DPP10: variants seen among roughly 807,000 people sequenced by gnomAD.
DPP10 encodes dipeptidyl peptidase like 10.
A neutral mutation model predicts 120.9 loss-of-function variants in DPP10; 33 were observed. The ratio of observed to expected loss-of-function variants is 0.27; its 90% CI spans 0.21 to 0.37. The LOEUF (loss-of-function observed/expected upper bound fraction) is 0.37, where lower values mean the gene tolerates loss of function less well. Ranked by LOEUF, DPP10 falls within the 10% of genes least tolerant of loss-of-function variation. DPP10 has a pLI of 1.00. For synonymous variants in DPP10, 337 were observed against 326.1 expected, an observed-to-expected ratio of 1.03 and a Z score of -0.36; for missense variants, 816 against 942.8, an observed-to-expected ratio of 0.87 and a Z score of 1.76.
intron 3 of DPP10, among the ~76,000 whole-genome samples, chr2:115,465,777 G>A (rs556469603): frequency 1.1e-4 from 17 of 152,224 alleles, no homozygotes; most frequent in Non-Finnish European, 2.1e-4. Context: ...AGCCAAGATC[G>A]TGCCACTGCA....
At chr2:115,316,265 A>G (rs2061787695) in intron 2 of DPP10, among the ~76,000 whole-genome samples, 1 of 152,246 alleles carries the variant, frequency 6.6e-6, no homozygotes, top group Admixed American at 6.5e-5. Flanking sequence ...ACTAGAAGGC[A>G]GAGATGCTCG....
At chr2:115,010,465 G>C (rs545597974) in intron 1 of DPP10, among the ~76,000 whole-genome samples, 38 of 152,144 alleles carry the variant, frequency 2.5e-4, no homozygotes, top group African/African-American at 8.7e-4. Flanking sequence ...CCAGGTGTCA[G>C]TCACAAAATA....
intron 1 of DPP10, among the ~76,000 whole-genome samples, chr2:115,229,687 CTCCTATTCTATTCTA>C (rs1301611017): frequency 2.2e-5 from 3 of 134,276 alleles, no homozygotes; most frequent in Non-Finnish European, 3.2e-5. Flanking sequence ...TTTCTGAGTT[CTCCTATTCTATTCTA>C]TTCTATTCTA....
intron 1 of DPP10, among the ~76,000 whole-genome samples, chr2:115,079,614 G>A (rs1185837128): frequency 6.6e-6 from 1 of 152,118 alleles, no homozygotes; most frequent in Non-Finnish European, 1.5e-5. Context: ...TGGGGCTGGA[G>A]AAGCAGCCCA....
intron 1 of DPP10, among the ~76,000 whole-genome samples, chr2:114,795,327 TA>T (rs5833560): frequency 0.51 from 75,375 of 147,470 alleles, 19,820 homozygotes; most frequent in East Asian, 0.77. Flanking sequence ...TACTAAAAAT[TA>T]AAAAAAAAAA....
At chr2:115,643,411 G>A (rs2086951931) in intron 5 of DPP10, among the ~76,000 whole-genome samples, 1 of 152,134 alleles carries the variant, frequency 6.6e-6, no homozygotes, top group Non-Finnish European at 1.5e-5. Flanking sequence ...AAAAATTGTA[G>A]AGAGGCAGTA....
At chr2:115,753,588 A>G (rs947411215) in intron 11 of DPP10, among the ~76,000 whole-genome samples, 3 of 152,276 alleles carry the variant, frequency 2.0e-5, no homozygotes, top group Middle Eastern at 3.4e-3. Context: ...TTTCTCAGAT[A>G]TGGAATTTTT....
At chr2:115,656,937 A>G (rs963224252) in intron 5 of DPP10, among the ~76,000 whole-genome samples, 36 of 151,658 alleles carry the variant, frequency 2.4e-4, no homozygotes, top group Admixed American at 4.6e-4. Context: ...ATTATTTTTC[A>G]ATGGGTATAA....
chr2:115,371,095 T>G (rs921924376), intron 3 of DPP10, among the ~76,000 whole-genome samples: 4 of 152,164 alleles, frequency 2.6e-5, no homozygotes, highest in Non-Finnish European at 4.4e-5. Context: ...TTTTAATGCA[T>G]TTTTGGGGAT....
chr2:114,518,685 C>T (rs1420303169), intron 1 of DPP10, among the ~76,000 whole-genome samples: 2 of 152,204 alleles, frequency 1.3e-5, no homozygotes, highest in Non-Finnish European at 2.9e-5. Context: ...ATCCCAGGCC[C>T]TCGCAGATCC....
intron 1 of DPP10, among the ~76,000 whole-genome samples, chr2:114,647,915 G>A (rs753309336): frequency 5.3e-5 from 8 of 151,862 alleles, no homozygotes; most frequent in Non-Finnish European, 1.0e-4. Flanking sequence ...CCTGTTCCTG[G>A]TGTTGAGGTG....
intron 1 of DPP10, among the ~76,000 whole-genome samples, chr2:114,745,123 A>G (rs1016152736): frequency 6.6e-6 from 1 of 152,238 alleles, no homozygotes; most frequent in Non-Finnish European, 1.5e-5. Context: ...CTGATCAAGA[A>G]TATCTTGATA....
intron 7 of DPP10, among the ~76,000 whole-genome samples, chr2:115,715,082 G>A (rs149419226): frequency 0.078 from 11,589 of 148,898 alleles, 648 homozygotes; most frequent in Non-Finnish European, 0.11. Context: ...GCTCATGCCT[G>A]TCATCCCAGC....
chr2:115,684,475 G>A (rs926026481), intron 5 of DPP10, among the ~76,000 whole-genome samples: 39 of 151,822 alleles, frequency 2.6e-4, no homozygotes, highest in East Asian at 1.9e-4. Context: ...TCCTCTTACC[G>A]GCATTTTTTA....
intron 2 of DPP10, among the ~76,000 whole-genome samples, chr2:115,343,514 C>T (rs1180436031): frequency 6.6e-6 from 1 of 152,042 alleles, no homozygotes; most frequent in Non-Finnish European, 1.5e-5. Context: ...AGAAAATCTG[C>T]CTTTTTGGGC....
At chr2:114,473,115 C>A (rs1043173486) in intron 1 of DPP10, among the ~76,000 whole-genome samples, 2 of 152,142 alleles carry the variant, frequency 1.3e-5, no homozygotes, top group African/African-American at 4.8e-5. Context: ...TCTCCTTTGG[C>A]CTTATTCAAC....
chr2:115,567,619 A>G (rs1427262864), intron 5 of DPP10, among the ~76,000 whole-genome samples: 1 of 151,914 alleles, frequency 6.6e-6, no homozygotes, highest in Non-Finnish European at 1.5e-5. Flanking sequence ...TAAGCACTTC[A>G]ATTGCTTTCA....
intron 5 of DPP10, among the ~76,000 whole-genome samples, chr2:115,575,958 G>T (rs1481771108): frequency 6.6e-6 from 1 of 152,160 alleles, no homozygotes; most frequent in Non-Finnish European, 1.5e-5. Flanking sequence ...ACAACTACCT[G>T]CAAAGAACTG....
chr2:115,390,746 T>C (rs534384434), intron 3 of DPP10, among the ~76,000 whole-genome samples: 3 of 152,260 alleles, frequency 2.0e-5, no homozygotes, highest in African/African-American at 7.2e-5. Flanking sequence ...AGAAAGTTTA[T>C]AGAAACACAT....
Sources: allele counts gnomAD v4.1 joint callset (sites outside exome capture counted in the v4.1 genomes callset), GRCh38; gene constraint gnomAD v4.1.1; transcripts MANE v1.5; gene names NCBI Gene and HGNC (gene_info 2026-07-23, HGNC 2026-07-21).